OPLAH: variants seen among roughly 807,000 people sequenced by gnomAD.
OPLAH encodes the protein 5-oxoprolinase.
Under a neutral mutation model 122.8 loss-of-function variants are expected in OPLAH, and 103 were observed. That is an observed-to-expected ratio of 0.84 (90% CI 0.71 to 0.99). The LOEUF (loss-of-function observed/expected upper bound fraction) is 0.99, where lower values mean the gene tolerates loss of function less well. Ranked by LOEUF, OPLAH falls within the 50% of genes least tolerant of loss-of-function variation. The pLI, the probability that OPLAH is intolerant of heterozygous loss-of-function variation, is 0.00. For missense variants in OPLAH, 1,902 were observed against 1,836.5 expected, an observed-to-expected ratio of 1.04 and a Z score of -0.65; for synonymous variants, 875 against 796.0, an observed-to-expected ratio of 1.10 and a Z score of -1.67.
rs372272036 is a variant in OPLAH, at chr8:144,058,773, G to A, written c.587C>T (p.Thr196Met). ...SLAVVLMHSY[T>M]WAQHEQQVGV... ...CAGCCCACAGCCCCACCTCACTCAC[G>A]TGTACGAGTGCATGAGCACCACAGC... Residue 196 changes from threonine to methionine, a missense_variant and splice_region_variant, in exon 5 of 27, where the codon ACG becomes ATG. Around this residue, in one of 3 missense-constraint regions of OPLAH, gnomAD observed 1,726 missense variants for 1,642.1 expected, o/e 1.05. Coordinates refer to ENST00000618853, the MANE Select transcript of OPLAH (RefSeq NM_017570.5). The A allele has an allele frequency of 1.1e-5, 18 of 1,599,662 alleles. No homozygotes were observed. Among genetic ancestry groups the A allele is most frequent in the African/African-American group, 8.0e-5 (6 of 74,682 alleles).
At position 144,060,091 on chromosome 8, in the gene OPLAH, C is replaced by A; in HGVS notation, c.-53-6G>T. On this transcript the variant is annotated splice_region_variant and splice_polypyrimidine_tract_variant and intron_variant, in intron 1 of 26. Transcript: ENST00000618853. ...AGCTGGTAGCCCTGGAAAAACTGGA[C>A]GGAGGCGGGGTCAGCCCGGGCTCAC... is the stretch of plus-strand genomic sequence containing the variant. 1 of 1,553,224 alleles carries A rather than the reference C, an allele frequency of 6.4e-7. No individual in the cohort carries two copies.
intron 1 of OPLAH, among the ~76,000 whole-genome samples, chr8:144,060,307 C>T (rs1364106143): frequency 6.6e-6 from 1 of 152,248 alleles, no homozygotes; most frequent in Non-Finnish European, 1.5e-5. Context: ...TTCTCCGGGC[C>T]CTGGACTGGG....
In OPLAH at chr8:144,051,794, G is replaced by A. The variant is rs373169020; in HGVS notation, c.3655C>T (p.Leu1219=). 426 of 1,604,820 alleles carry A rather than the reference G, an allele frequency of 2.7e-4. 7 individuals carry two copies. The Middle Eastern group carries it at 6.5e-3, about 24-fold the overall frequency. ...GEPGARGLNL[L]IRKNGRTVNL... Reference sequence around the variant, plus strand: ...ACCGTCCGGCCGTTTTTGCGGATCAGCAGGTTTAGGCCGCGGGCGCCAGGC... The same window carrying A: ...ACCGTCCGGCCGTTTTTGCGGATCAACAGGTTTAGGCCGCGGGCGCCAGGC... The change falls in exon 26 of 27, where the codon CTG becomes TTG. Residue 1219 remains leucine, a synonymous_variant. Coordinates refer to ENST00000618853, the MANE Select transcript of OPLAH (RefSeq NM_017570.5).
chr8:144,051,682 G>A (rs1554757682), intron 26 of OPLAH, 47 bp downstream of exon 26: 4 of 1,241,330 alleles, frequency 3.2e-6, no homozygotes, highest in Non-Finnish European at 2.2e-6. Context: ...GGATGGGGCC[G>A]GGAGGGGAGG....
In OPLAH at chr8:144,051,813, G is replaced by T. The variant is rs1554757725; in HGVS notation, c.3636C>A (p.Gly1212=). The T allele has an allele frequency of 3.4e-6, 5 of 1,491,886 alleles. No homozygotes were observed. Among genetic ancestry groups the T allele is most frequent in the Non-Finnish European group, 4.5e-6 (5 of 1,111,446 alleles). The allele number at this position is 1,491,886 out of a possible 1,614,324, so 92.4% of individuals were successfully genotyped here. A position where few individuals can be genotyped will look rare whatever the true frequency, so the allele number is the denominator to read the frequency against. ...RPYGLHGGEP[G]ARGLNLLIRK... ...GGATCAGCAGGTTTAGGCCGCGGGC[G>T]CCAGGCTCGCCCCCTGCGGAGGGAG... The change falls in exon 26 of 27, where the codon GGC becomes GGA. Residue 1212 remains glycine (G), a synonymous_variant. Transcript: ENST00000618853.
rs1554758114 is a variant in OPLAH, at chr8:144,053,055, CA to C, written c.2945del (p.Leu982ArgfsTer23). The stretch of plus-strand genomic sequence containing the variant: ...CCATGTGGTCTTCCGAGGACACCTC[CA>C]GGGGCAGGCCCCGGGCCTGCCGGGA... Reference protein sequence around the residue: ...GTSRQARGLPLEVSSEDHMDD... With the variant: ...GTSRQARGLPXEVSSEDHMDD... On this transcript the variant is annotated frameshift_variant, in exon 21 of 27. Coordinates refer to ENST00000618853, the MANE Select transcript of OPLAH (RefSeq NM_017570.5). LOFTEE classifies it high-confidence loss of function. The C allele has an allele frequency of 1.2e-6, 2 of 1,602,224 alleles. No homozygotes were observed. The highest frequency in any genetic ancestry group is 2.3e-5 in the East Asian group (1 of 44,190).
rs187064052 is a variant in OPLAH, at chr8:144,058,286, G to C, written c.902C>G (p.Thr301Ser). 306 of 1,610,446 alleles carry C rather than the reference G, an allele frequency of 1.9e-4. 5 individuals are homozygous for C. The African/African-American group carries it at 3.6e-3, about 19-fold the overall frequency. ...AGGVVGYSAT[T>S]YQQEGGQPVI... ...AGGCTGGCCACCCTCCTGCTGGTAG[G>C]TGGTGGCTGAGTAGCCCACCACGCC... Residue 301 changes from threonine (T) to serine (S), a missense_variant, in exon 7 of 27, where the codon ACC becomes AGC. Coordinates refer to ENST00000618853, the MANE Select transcript of OPLAH (RefSeq NM_017570.5).
At position 144,052,904 on chromosome 8, in the gene OPLAH, C is replaced by G. The variant is rs962243991; in HGVS notation, c.3019-4G>C. 6.4e-7 allele frequency: 1 copy of G among 1,558,126 alleles called. No homozygotes were observed. The highest frequency in any genetic ancestry group is 1.4e-5 in the African/African-American group (1 of 73,512). Reference sequence around the variant, plus strand: ...TGAAGTCAAACACGGCGCTGCCCTGCGCGCCCCGAGGGAAGGGAGAGGCTG... The same window carrying G: ...TGAAGTCAAACACGGCGCTGCCCTGGGCGCCCCGAGGGAAGGGAGAGGCTG... On this transcript the variant is annotated splice_region_variant and splice_polypyrimidine_tract_variant and intron_variant, in intron 21 of 26. Transcript: ENST00000618853.
Position 144,051,840 on chromosome 8 carries a change from C to T in OPLAH, c.3623-14G>A. 7.0e-7 allele frequency: 1 copy of T among 1,420,028 alleles called. No individual in the cohort carries two copies. Among genetic ancestry groups the T allele is most frequent in the South Asian group, 1.4e-5 (1 of 74,006 alleles). 88.0% of individuals were successfully genotyped at this position (1,420,028 alleles called of 1,614,324 possible). On this transcript the variant is annotated splice_polypyrimidine_tract_variant and intron_variant, in intron 25 of 26. Transcript: ENST00000618853. ...CAGGCTCGCCCCCTGCGGAGGGAGG[C>T]GAGGAGTCCAGAGAGACCAGGGGCG...
intron 26 of OPLAH, 64 bp downstream of exon 26, chr8:144,051,665 C>G (rs1240980886): frequency 2.2e-6 from 3 of 1,376,408 alleles, no homozygotes; most frequent in Non-Finnish European, 3.0e-6. Context: ...ACTGTTCCCC[C>G]TCTGTGGGAT....
rs1587552420 is a variant in OPLAH at position 144,052,995 on chromosome 8, G to C, written c.3006C>G (p.Ile1002Met). ...CCCCACGGCCCACCTGACTCAGGCT[G>C]ATCTGCACACGGAGGCGGATGGGGG... The part of the protein sequence containing the change: ...DGSPIRLRVQ[I>M]SLSQGSAVFD... Residue 1002 changes from isoleucine (I) to methionine (M), a missense_variant, in exon 21 of 27, where the codon ATC becomes ATG. Ile to Met is a conservative substitution (Grantham distance 10). This residue lies in a region of OPLAH where 1,726 missense variants were observed against 1,642.1 expected (regional missense o/e 1.05). Coordinates refer to ENST00000618853, the MANE Select transcript of OPLAH (RefSeq NM_017570.5). The C allele has an allele frequency of 6.2e-7, 1 of 1,600,676 alleles. No individual in the cohort carries two copies. The highest frequency in any genetic ancestry group is 8.5e-7 in the Non-Finnish European group (1 of 1,174,394).
In OPLAH at chr8:144,054,849, C is replaced by A. The variant is rs1835470118; in HGVS notation, c.2474G>T (p.Gly825Val). 6.2e-7 allele frequency: 1 copy of A among 1,612,046 alleles called. No individual in the cohort carries two copies. The highest frequency in any genetic ancestry group is 1.7e-5 in the Admixed American group (1 of 59,980). ...DVLLSNHPSA[G>V]GSHLPDLTVI... ...AGTCAGGTCTGGCAGGTGGCTGCCC[C>A]CGGCACTGGGATGGTTGCTCAGTAG... The change falls in exon 18 of 27, where the codon GGG (glycine) becomes GTG (valine). Residue 825 changes from glycine (G) to valine (V), a missense_variant. Transcript: ENST00000618853.
Position 144,058,315 on chromosome 8 carries a change from G to C in OPLAH, c.873C>G (p.Ala291=), listed in dbSNP as rs1363255618. The part of the protein sequence containing the change: ...SGSSAVLSGP[A]GGVVGYSATT... ...TGGCTGAGTAGCCCACCACGCCGCC[G>C]GCCGGGCCCGAGAGCACAGCACTGG... Residue 291 remains alanine (A), a synonymous_variant, in exon 7 of 27, where the codon GCC becomes GCG. Coordinates refer to ENST00000618853, the MANE Select transcript of OPLAH (RefSeq NM_017570.5). 13 of 1,603,696 alleles carry C rather than the reference G, an allele frequency of 8.1e-6. No homozygotes were observed. The African/African-American group carries it at 1.1e-4, about 13-fold the overall frequency.
At position 144,059,355 on chromosome 8, in the gene OPLAH, G is replaced by C. The variant is rs561085822; in HGVS notation, c.363+244C>G. The stretch of plus-strand genomic sequence containing the variant: ...TTCCACCCCTCCTCTGCCTGAACAG[G>C]GTAGCTTGGGTGGCCCCACACCAGC... On this transcript the variant is annotated intron_variant, in intron 3 of 26. Transcript: ENST00000618853. Among the ~76,000 whole-genome samples the C allele has an allele frequency of 5.3e-5, 8 of 152,370 alleles. No homozygotes were observed. In the South Asian group the frequency reaches 1.7e-3, roughly 32 times the overall value.
At chr8:144,062,277 C>G (rs1835676389), upstream of OPLAH, among the ~76,000 whole-genome samples, 1 of 152,088 alleles carries the variant, frequency 6.6e-6, no homozygotes, top group African/African-American at 2.4e-5. Flanking sequence ...CACTTAGGAA[C>G]CCCTCCCCAT....
In OPLAH at chr8:144,058,638, G is replaced by T. The variant is rs782495819; in HGVS notation, c.641C>A (p.Thr214Lys). The change falls in exon 6 of 27, where the codon ACG (threonine) becomes AAG (lysine). Residue 214 changes from threonine to lysine, a missense_variant. Thr to Lys is a moderately conservative substitution (Grantham distance 78). This residue lies in a region of OPLAH where 1,726 missense variants were observed against 1,642.1 expected (regional missense o/e 1.05). Coordinates refer to ENST00000618853, the MANE Select transcript of OPLAH (RefSeq NM_017570.5). Reference sequence around the variant, plus strand: ...GGCCTCCGAGGACAGTGACACGTGCGTGAAGCCCAGCTCCCGGGCCAGCAC... The same window carrying T: ...GGCCTCCGAGGACAGTGACACGTGCTTGAAGCCCAGCTCCCGGGCCAGCAC... ...VGVLARELGFTHVSLSSEAMP... is the reference protein window; with the variant it reads ...VGVLARELGFKHVSLSSEAMP... 2.4e-5 allele frequency: 39 copies of T among 1,601,492 alleles called. No homozygotes were observed. Among genetic ancestry groups the T allele is most frequent in the Non-Finnish European group, 3.1e-5 (36 of 1,177,926 alleles).
chr8:144,063,688 G>A (rs1271616213), upstream of OPLAH: 2 of 152,466 alleles, frequency 1.3e-5, no homozygotes, highest in Admixed American at 6.5e-5. The surrounding 1 kb of genome is among the most constrained non-coding windows in gnomAD (Gnocchi z 4.2). Flanking sequence ...TTGGGGCCCC[G>A]GTACGGCTCA....
At position 144,053,198 on chromosome 8, in the gene OPLAH, C is replaced by T; in HGVS notation, c.2871+11G>A. ...TGGCCCTGCCGCCCACACTCCTGTG[C>T]CCAGGCCCACCTGAATATGGCCCAT... On this transcript the variant is annotated intron_variant, in intron 20 of 26. Coordinates refer to ENST00000618853, the MANE Select transcript of OPLAH (RefSeq NM_017570.5). 1.2e-5 allele frequency: 20 copies of T among 1,611,808 alleles called. No individual in the cohort carries two copies. The highest frequency in any genetic ancestry group is 1.6e-5 in the Non-Finnish European group (19 of 1,179,454).
In OPLAH at chr8:144,054,754, C is replaced by T. The variant is rs782224612; in HGVS notation, c.2512-19G>A. ...AAAACACCTAGCGGGTGGAGAGCCACGGTCAGCTGCATCGGCCACCACTGC... is the reference window on the plus strand; with the variant it reads ...AAAACACCTAGCGGGTGGAGAGCCATGGTCAGCTGCATCGGCCACCACTGC... On this transcript the variant is annotated intron_variant, in intron 18 of 26. Coordinates refer to ENST00000618853, the MANE Select transcript of OPLAH (RefSeq NM_017570.5). 3.1e-5 allele frequency: 50 copies of T among 1,612,000 alleles called. No homozygotes were observed. In the Middle Eastern group the frequency reaches 4.9e-4, roughly 16 times the overall value.
Sources: allele counts gnomAD v4.1 joint callset (sites outside exome capture counted in the v4.1 genomes callset), GRCh38; gene constraint gnomAD v4.1.1; regional missense constraint gnomAD v4.1.1; non-coding constraint Gnocchi (gnomAD v3.1); transcripts MANE v1.5; gene names NCBI Gene and HGNC (gene_info 2026-07-23, HGNC 2026-07-21).